The following LOXHD1 variants were observed in gnomAD, a reference collection of about 807,000 sequenced individuals.
The protein encoded by LOXHD1 is lipoxygenase homology PLAT domains 1.
A neutral mutation model predicts 248.2 loss-of-function variants in LOXHD1; 205 were observed. That is an observed-to-expected ratio of 0.83 (90% CI 0.74 to 0.93). The LOEUF (loss-of-function observed/expected upper bound fraction) is 0.93, where lower values mean the gene tolerates loss of function less well. Among genes scored for constraint, LOXHD1 ranks in the 40% least tolerant of loss-of-function variants. The pLI is 0.00. For synonymous variants in LOXHD1, 1,113 were observed against 1,162.8 expected (o/e 0.96, Z 0.87); for missense variants, 2,930 against 2,971.6 (o/e 0.99, Z 0.33).
rs1175651418 is a variant in LOXHD1 at position 46,581,546 on chromosome 18, T to C, written c.1655-1762A>G. ...AGGATTGGTGATATGACTTTGGTCATCATAGGTATATGGAGTCCATTTAAA... is the reference window on the plus strand; with the variant it reads ...AGGATTGGTGATATGACTTTGGTCACCATAGGTATATGGAGTCCATTTAAA... On this transcript the variant is annotated intron_variant, in intron 12 of 40. Coordinates refer to ENST00000642948, the MANE Select transcript of LOXHD1 (RefSeq NM_001384474.1). 2.0e-5 allele frequency among the ~76,000 whole-genome samples: 3 copies of C among 152,180 alleles called. No individual in the cohort carries two copies. The East Asian group carries it at 5.8e-4, about 29-fold the overall frequency.
chr18:46,629,858 G>A (rs184158022), intron 4 of LOXHD1, among the ~76,000 whole-genome samples: 206 of 151,488 alleles, frequency 1.4e-3, no homozygotes, highest in South Asian at 4.4e-3. Flanking sequence ...CAGAATGGGA[G>A]TCCAGATGTA....
At chr18:46,518,998 C>T in intron 33 of LOXHD1, 1 of 985,486 alleles carries the variant, frequency 1.0e-6, no homozygotes, top group South Asian at 4.7e-5. Context: ...AATGTCTGCC[C>T]TCTGTCTCCA....
intron 25 of LOXHD1, among the ~76,000 whole-genome samples, chr18:46,540,162 T>G (rs1421303509): frequency 6.6e-6 from 1 of 152,080 alleles, no homozygotes; most frequent in Non-Finnish European, 1.5e-5. Context: ...CTCAGAGAGG[T>G]GAAGTAACTT....
intron 21 of LOXHD1, among the ~76,000 whole-genome samples, chr18:46,547,755 G>GA (rs999079173): frequency 6.6e-6 from 1 of 152,152 alleles, no homozygotes; most frequent in Non-Finnish European, 1.5e-5. Flanking sequence ...TTGAGTAAGT[G>GA]TCCTTATCTC....
chr18:46,508,914 G>A (rs1316633755), intron 35 of LOXHD1, among the ~76,000 whole-genome samples: 1 of 152,200 alleles, frequency 6.6e-6, no homozygotes, highest in South Asian at 2.1e-4. Context: ...CTGCCCTGGA[G>A]CAGCAAGTGT....
chr18:46,609,099 T>C (rs190990040), intron 6 of LOXHD1, among the ~76,000 whole-genome samples: 4 of 152,340 alleles, frequency 2.6e-5, no homozygotes, highest in Admixed American at 2.6e-4. Context: ...TTATGCCCCT[T>C]GTCAAAGCCT....
rs2037713649 is a variant in LOXHD1 at position 46,569,647 on chromosome 18, C to A, written c.2048-9G>T. 1.3e-6 allele frequency: 2 copies of A among 1,544,510 alleles called. No individual in the cohort carries two copies. The highest frequency in any genetic ancestry group is 2.5e-5 in the East Asian group (1 of 40,716). On this transcript the variant is annotated splice_polypyrimidine_tract_variant and intron_variant, in intron 15 of 40. Coordinates refer to ENST00000642948, the MANE Select transcript of LOXHD1 (RefSeq NM_001384474.1). ...GATGTGATAGCGAAAGTCTGAACAG[C>A]CCAAGGCAGAGGGAGGAAGGGAAGG...
chr18:46,510,262 G>A (rs980454960), intron 34 of LOXHD1, among the ~76,000 whole-genome samples: 3 of 152,208 alleles, frequency 2.0e-5, no homozygotes, highest in Admixed American at 6.5e-5. Context: ...TGACAGGCCC[G>A]TTGCGAATGG....
intron 37 of LOXHD1, among the ~76,000 whole-genome samples, chr18:46,494,718 T>C (rs531870092): frequency 1.3e-5 from 2 of 152,186 alleles, no homozygotes; most frequent in Non-Finnish European, 2.9e-5. Flanking sequence ...TGGATTGAAA[T>C]AGATGATTTC....
intron 6 of LOXHD1, among the ~76,000 whole-genome samples, chr18:46,608,523 T>C (rs944445497): frequency 6.6e-6 from 1 of 152,222 alleles, no homozygotes; most frequent in Non-Finnish European, 1.5e-5. Context: ...ATGAAGAAAG[T>C]GGACTTCAAG....
intron 40 of LOXHD1, among the ~76,000 whole-genome samples, chr18:46,482,812 G>A (rs942156191): frequency 3.9e-5 from 6 of 152,144 alleles, no homozygotes; most frequent in Admixed American, 6.5e-5. Context: ...CCAGGGAGAG[G>A]TGCAGATGTG....
Position 46,533,217 on chromosome 18 carries a change from G to A in LOXHD1, c.4320C>T (p.Tyr1440=), listed in dbSNP as rs1401665977. 1 of 1,551,760 alleles carries A rather than the reference G, an allele frequency of 6.4e-7. No individual in the cohort carries two copies. Among genetic ancestry groups the A allele is most frequent in the Admixed American group, 2.0e-5 (1 of 51,004 alleles). Residue 1440 remains tyrosine (Y), a synonymous_variant, in exon 28 of 41, where the codon TAC becomes TAT. Transcript: ENST00000642948. ...LVPYDIFTEK[Y]MKDGSLRQVY... The stretch of plus-strand genomic sequence containing the variant: ...CTTGCCGTAAGGACCCATCTTTCAT[G>A]TATTTCTCAGTGAAGATGTCATATG...
intron 8 of LOXHD1, among the ~76,000 whole-genome samples, chr18:46,595,710 G>A (rs1182476095): frequency 6.6e-6 from 1 of 152,134 alleles, no homozygotes; most frequent in East Asian, 1.9e-4. Context: ...TTTAGAAGTG[G>A]ACCTATACAT....
chr18:46,528,645 C>T (rs181236768), intron 29 of LOXHD1, among the ~76,000 whole-genome samples: 2 of 150,332 alleles, frequency 1.3e-5, no homozygotes, highest in African/African-American at 4.9e-5. Context: ...TCCCAAGGGC[C>T]TTGGAGCCAC....
Position 46,559,155 on chromosome 18 carries a change from C to T in LOXHD1, c.3216+293G>A, listed in dbSNP as rs1177341105. The T allele has an allele frequency of 7.9e-6, 11 of 1,393,044 alleles. No homozygotes were observed. In the Admixed American group the frequency reaches 2.2e-4, roughly 27 times the overall value. 86.3% of individuals were successfully genotyped at this position (1,393,044 alleles called of 1,614,324 possible). On this transcript the variant is annotated intron_variant, in intron 20 of 40. Transcript: ENST00000642948. ...CTTGCGGCGAGGACTTCCTCTTGAA[C>T]CCCCGCATCCCTACCAAGTGCCTCA...
intron 2 of LOXHD1, among the ~76,000 whole-genome samples, chr18:46,648,172 C>T (rs1293951960): frequency 1.1e-4 from 16 of 152,212 alleles, no homozygotes; most frequent in African/African-American, 3.6e-4. Context: ...GCAGGAGAAT[C>T]GCTTGAACCT....
At chr18:46,638,899 C>G (rs568583030) in intron 4 of LOXHD1, among the ~76,000 whole-genome samples, 3 of 152,158 alleles carry the variant, frequency 2.0e-5, no homozygotes, top group Admixed American at 6.5e-5. Flanking sequence ...CATCTCCTGG[C>G]TCCAAAGTCC....
chr18:46,622,633 T>A (rs1170763954), intron 4 of LOXHD1, among the ~76,000 whole-genome samples: 1 of 152,158 alleles, frequency 6.6e-6, no homozygotes, highest in African/African-American at 2.4e-5. Context: ...TGGCAGCATA[T>A]CTGGACCATT....
At chr18:46,623,064 G>T (rs1302705963) in intron 4 of LOXHD1, among the ~76,000 whole-genome samples, 1 of 152,156 alleles carries the variant, frequency 6.6e-6, no homozygotes, top group Admixed American at 6.5e-5. Context: ...CCCATTTAGT[G>T]TATTATCTGT....
Sources: gnomAD v4.1 joint callset for allele counts (sites outside exome capture counted in the v4.1 genomes callset) on GRCh38, gnomAD v4.1.1 for gene constraint, MANE v1.5 for transcripts, NCBI Gene and HGNC (gene_info 2026-07-23, HGNC 2026-07-21) for gene names.